PHLDB2: variants seen among roughly 807,000 people sequenced by gnomAD.
The protein encoded by PHLDB2 is pleckstrin homology-like domain family B member 2.
A neutral mutation model predicts 123.6 loss-of-function variants in PHLDB2; 71 were observed. The ratio of observed to expected loss-of-function variants is 0.57; its 90% CI spans 0.47 to 0.70. PHLDB2 has a LOEUF of 0.70. Among genes scored for constraint, PHLDB2 ranks in the 30% least tolerant of loss-of-function variants. PHLDB2 has a pLI of 0.00. For missense variants in PHLDB2, 1,446 were observed against 1,519.5 expected, an observed-to-expected ratio of 0.95 and a Z score of 0.80; for synonymous variants, 547 against 541.6, an observed-to-expected ratio of 1.01 and a Z score of -0.14.
At position 111,898,172 on chromosome 3, in the gene PHLDB2, G is replaced by GTGTGTGTT. The variant is rs1455591433; in HGVS notation, c.1335+12767_1335+12768insTTGTGTGT. On this transcript the variant is annotated intron_variant, in intron 2 of 17. Transcript: ENST00000431670. Reference sequence around the variant, plus strand: ...GCTGTGGCAATTTCTTTGTGTGTGTGTGTGTGTGTTTGTGTGTGTGTGTGT... The same window carrying GTGTGTGTT: ...GCTGTGGCAATTTCTTTGTGTGTGTGTGTGTGTTTGTGTGTGTTTGTGTGTGTGTGTGT... Among the ~76,000 whole-genome samples the GTGTGTGTT allele has an allele frequency of 2.9e-3, 387 of 131,926 alleles. 1 individual carries two copies. The highest frequency in any genetic ancestry group is 0.01 in the African/African-American group (352 of 34,220). 86.5% of individuals were successfully genotyped at this position (131,926 alleles called of 152,430 possible).
In PHLDB2 at chr3:111,967,781, T is replaced by C. The variant is rs1302307045; in HGVS notation, c.3272T>C (p.Leu1091Ser). 1.9e-6 allele frequency: 3 copies of C among 1,611,766 alleles called. No individual in the cohort carries two copies. In the South Asian group the frequency reaches 3.3e-5, roughly 18 times the overall value. The change falls in exon 15 of 18, where the codon TTA becomes TCA. Residue 1091 changes from leucine (L) to serine (S), a missense_variant. Around this residue, in one of 3 missense-constraint regions of PHLDB2, gnomAD observed 594 missense variants for 646.0 expected, o/e 0.92. Coordinates refer to ENST00000431670, the MANE Select transcript of PHLDB2 (RefSeq NM_001134438.2). ...GAAGAAACTAGCCAGAGGCAGAAGTTAATAGAAAAGGAAGTAAAAATAAGG... is the reference window on the plus strand; with the variant it reads ...GAAGAAACTAGCCAGAGGCAGAAGTCAATAGAAAAGGAAGTAAAAATAAGG... ...LQEETSQRQK[L>S]IEKEVKIRER...
intron 1 of PHLDB2, among the ~76,000 whole-genome samples, chr3:111,777,608 C>T (rs1416069366): frequency 1.3e-5 from 2 of 152,042 alleles, no homozygotes; most frequent in African/African-American, 2.4e-5. Flanking sequence ...CTGTGTTCAT[C>T]TTTATGTGAT....
chr3:111,849,339 T>G (rs945893261), intron 2 of PHLDB2, among the ~76,000 whole-genome samples: 1 of 135,818 alleles, frequency 7.4e-6, no homozygotes, highest in African/African-American at 2.6e-5. Context: ...CCTGGATAAT[T>G]GAAAAAAATT....
At chr3:111,863,099 G>A (rs561671084) in intron 1 of PHLDB2, among the ~76,000 whole-genome samples, 2 of 152,310 alleles carry the variant, frequency 1.3e-5, no homozygotes, top group East Asian at 1.9e-4. Flanking sequence ...GGGGAGGGGT[G>A]GCATTAGCCA....
At chr3:111,945,170 T>C (rs1243468279) in intron 8 of PHLDB2, 98 bp from the exon 9 acceptor site, 14 of 789,934 alleles carry the variant, frequency 1.8e-5, no homozygotes, top group East Asian at 1.3e-4. Flanking sequence ...GGGGGAAATA[T>C]GTGAGAATCT....
At chr3:111,952,314 C>A (rs2070764532) in intron 10 of PHLDB2, among the ~76,000 whole-genome samples, 1 of 152,122 alleles carries the variant, frequency 6.6e-6, no homozygotes, top group Admixed American at 6.5e-5. Context: ...GTCCTGAGGC[C>A]CCAAGGCCGC....
At chr3:111,823,921 G>A (rs1030150302) in intron 1 of PHLDB2, among the ~76,000 whole-genome samples, 26 of 152,146 alleles carry the variant, frequency 1.7e-4, no homozygotes, top group Admixed American at 1.7e-3. Flanking sequence ...TCCACTAGTC[G>A]TATCTGTCTC....
intron 5 of PHLDB2, among the ~76,000 whole-genome samples, chr3:111,930,746 G>A (rs1485734829): frequency 6.6e-6 from 1 of 152,204 alleles, no homozygotes; most frequent in Admixed American, 6.5e-5. Context: ...TGCACAATTG[G>A]TGTGTACAGT....
intron 11 of PHLDB2, among the ~76,000 whole-genome samples, 198 bp downstream of exon 11, chr3:111,952,910 C>G (rs2070801945): frequency 6.6e-6 from 1 of 152,178 alleles, no homozygotes; most frequent in South Asian, 2.1e-4. Flanking sequence ...GGCCAAAGAA[C>G]ATGCTTCAGG....
intron 9 of PHLDB2, among the ~76,000 whole-genome samples, chr3:111,946,263 C>T (rs752169874): frequency 3.3e-5 from 5 of 152,200 alleles, no homozygotes; most frequent in Non-Finnish European, 5.9e-5. Context: ...CTCAGGTGAT[C>T]TGCCTGCCTT....
At chr3:111,968,308 A>C (rs1339829408) in intron 15 of PHLDB2, among the ~76,000 whole-genome samples, 1 of 152,182 alleles carries the variant, frequency 6.6e-6, no homozygotes, top group Non-Finnish European at 1.5e-5. Flanking sequence ...TCATGGTGGT[A>C]GTGTTTTGTC....
At chr3:111,873,663 T>C (rs1181745202) in intron 1 of PHLDB2, among the ~76,000 whole-genome samples, 2 of 152,236 alleles carry the variant, frequency 1.3e-5, no homozygotes, top group Non-Finnish European at 2.9e-5. Context: ...TCTGGGTTGC[T>C]GTGTCTGCAT....
At chr3:111,753,423 G>T (rs1220751753) in intron 1 of PHLDB2, among the ~76,000 whole-genome samples, 5 of 148,818 alleles carry the variant, frequency 3.4e-5, no homozygotes, top group Non-Finnish European at 7.4e-5. Context: ...TTTTTCATGT[G>T]TTTTTTGGCT....
intron 1 of PHLDB2, among the ~76,000 whole-genome samples, chr3:111,762,906 T>A (rs911187604): frequency 6.6e-6 from 1 of 152,154 alleles, no homozygotes; most frequent in African/African-American, 2.4e-5. Context: ...AAGAATTAAT[T>A]CTCCTTTTTT....
chr3:111,930,389 TATTAA>T (rs2069069065), intron 5 of PHLDB2, among the ~76,000 whole-genome samples: 1 of 106,652 alleles, frequency 9.4e-6, no homozygotes, highest in South Asian at 3.1e-4. Context: ...ATACATGTGC[TATTAA>T]ATTATAATGA....
intron 1 of PHLDB2, among the ~76,000 whole-genome samples, chr3:111,780,312 A>G (rs796922112): frequency 0.33 from 1,845 of 5,604 alleles, 607 homozygotes; most frequent in East Asian, 0.7. Flanking sequence ...AGGAAGAGGA[A>G]GAGGAAGAGG....
At chr3:111,843,903 A>G (rs1028514721) in intron 1 of PHLDB2, among the ~76,000 whole-genome samples, 2 of 152,224 alleles carry the variant, frequency 1.3e-5, no homozygotes, top group Non-Finnish European at 2.9e-5. Flanking sequence ...TACACTTTCA[A>G]TGGAAGACTT....
chr3:111,812,888 T>C (rs9837252), intron 1 of PHLDB2, among the ~76,000 whole-genome samples: 50,265 of 152,068 alleles, frequency 0.33, 8,952 homozygotes, highest in African/African-American at 0.44. Flanking sequence ...GGTGAGGTCA[T>C]GTGGTCCTAG....
intron 1 of PHLDB2, among the ~76,000 whole-genome samples, chr3:111,742,466 C>A (rs948522214): frequency 6.6e-6 from 1 of 152,094 alleles, no homozygotes; most frequent in Admixed American, 6.6e-5. Context: ...CCTCCTCCCC[C>A]CACCCCACAA....
Sources: gnomAD v4.1 joint callset for allele counts (sites outside exome capture counted in the v4.1 genomes callset) on GRCh38, gnomAD v4.1.1 for gene constraint, gnomAD v4.1.1 regional missense constraint, MANE v1.5 for transcripts, NCBI Gene and HGNC (gene_info 2026-07-23, HGNC 2026-07-21) for gene names.